The following POC5 variants were observed in gnomAD, a reference collection of about 807,000 sequenced individuals.
POC5 encodes POC5 centriolar protein, also known as centrosomal protein POC5.
POC5 carries 48 observed loss-of-function variants against 62.9 expected under a neutral mutation model. The observed-to-expected ratio is 0.76, with a 90% CI of 0.61 to 0.97. The LOEUF is 0.97. POC5 is among the 50% of genes least tolerant of loss of function. The probability of loss-of-function intolerance (pLI) is 0.00; values close to 1 mark genes in which losing one functional copy is unlikely to be tolerated. For missense variants in POC5, 696 were observed against 679.5 expected (o/e 1.02, Z -0.27); for synonymous variants, 236 against 228.2 (o/e 1.03, Z -0.31).
chr5:75,674,665 C>G (rs1475737324), intron 11 of POC5, 87 bp from the exon 12 acceptor site: 1 of 1,462,336 alleles, frequency 6.8e-7, no homozygotes. Context: ...TAATTTAACC[C>G]AATAAACATT....
chr5:75,711,475 A>G (rs1364214117), intron 2 of POC5, among the ~76,000 whole-genome samples: 1 of 152,216 alleles, frequency 6.6e-6, no homozygotes, highest in East Asian at 1.9e-4. Flanking sequence ...AGAGAGTAAC[A>G]AAAAAGTTCC....
chr5:75,685,878 G>T (rs926860125), intron 9 of POC5, among the ~76,000 whole-genome samples: 4 of 152,026 alleles, frequency 2.6e-5, no homozygotes, highest in Non-Finnish European at 4.4e-5. Flanking sequence ...CCTGATAGAT[G>T]GCCAAAATGA....
At chr5:75,713,603 C>T (rs958457286) in intron 1 of POC5, among the ~76,000 whole-genome samples, 3 of 151,944 alleles carry the variant, frequency 2.0e-5, no homozygotes, top group African/African-American at 7.3e-5. Flanking sequence ...TATAAGTGAC[C>T]GACTGATGAA....
intron 7 of POC5, among the ~76,000 whole-genome samples, chr5:75,692,185 T>C (rs1301765905): frequency 6.6e-6 from 1 of 152,190 alleles, no homozygotes; most frequent in Non-Finnish European, 1.5e-5. Context: ...GGAAATGATG[T>C]ATCTATTGTA....
At chr5:75,682,949 T>TC (rs1290688166) in intron 10 of POC5, among the ~76,000 whole-genome samples, 2 of 152,226 alleles carry the variant, frequency 1.3e-5, no homozygotes, top group African/African-American at 4.8e-5. Flanking sequence ...TTAGTAGCTC[T>TC]CGAAAGGTAA....
chr5:75,702,862 T>C, intron 4 of POC5, 52 bp from the exon 5 acceptor site: 16 of 1,415,010 alleles, frequency 1.1e-5, no homozygotes, highest in Non-Finnish European at 1.6e-5. Flanking sequence ...ATAACTCAAG[T>C]TGGTAAGGAA....
At chr5:75,713,259 A>ACTTT (rs149098793) in intron 1 of POC5, among the ~76,000 whole-genome samples, 9,896 of 152,286 alleles carry the variant, frequency 0.065, 342 homozygotes, top group South Asian at 0.098. Context: ...GGTGCTGTGT[A>ACTTT]CTTTCCTCTA....
intron 5 of POC5, chr5:75,695,961 T>A (rs1417331151): frequency 1.3e-5 from 2 of 152,424 alleles, no homozygotes; most frequent in Non-Finnish European, 2.9e-5. Flanking sequence ...AGATGGCACC[T>A]GGAAAATCGG....
chr5:75,691,283 C>T (rs10462356), intron 7 of POC5, among the ~76,000 whole-genome samples: 37,188 of 151,954 alleles, frequency 0.24, 4,764 homozygotes, highest in South Asian at 0.32. Context: ...ATTTAATCTA[C>T]TGGGATTAAT....
At chr5:75,700,221 T>G (rs796200927) in intron 5 of POC5, among the ~76,000 whole-genome samples, 25,687 of 150,510 alleles carry the variant, frequency 0.17, 2,394 homozygotes, top group Non-Finnish European at 0.21. Context: ...AAAACTACTT[T>G]AAAGTTCATA....
At chr5:75,698,815 T>C (rs900494529) in intron 5 of POC5, among the ~76,000 whole-genome samples, 20 of 152,102 alleles carry the variant, frequency 1.3e-4, no homozygotes, top group Admixed American at 8.5e-4. Context: ...ATTGATAGAC[T>C]GCTAGCAAGA....
At chr5:75,690,618 T>C (rs989277443) in intron 7 of POC5, 56 bp from the exon 8 acceptor site, 21 of 1,319,314 alleles carry the variant, frequency 1.6e-5, no homozygotes, top group Non-Finnish European at 2.0e-5. Context: ...AATATATTGG[T>C]AGTAATAATA....
At chr5:75,679,776 G>A (rs576446946) in intron 10 of POC5, among the ~76,000 whole-genome samples, 1 of 152,186 alleles carries the variant, frequency 6.6e-6, no homozygotes, top group South Asian at 2.1e-4. Flanking sequence ...GAGAGAGAAG[G>A]AATAAGGTGG....
At chr5:75,712,156 C>T (rs901591876) in intron 2 of POC5, 3 of 222,812 alleles carry the variant, frequency 1.3e-5, no homozygotes, top group African/African-American at 2.3e-5. Flanking sequence ...AAGCTTTTCT[C>T]ATATCGTACA....
intron 5 of POC5, 75 bp downstream of exon 5, chr5:75,702,530 A>C: frequency 7.2e-7 from 1 of 1,394,312 alleles, no homozygotes; most frequent in Non-Finnish European, 9.7e-7. Context: ...TCAAAAAAAC[A>C]AAACAGTATA....
At chr5:75,715,213 G>A (rs1208543140) in intron 1 of POC5, among the ~76,000 whole-genome samples, 1 of 151,542 alleles carries the variant, frequency 6.6e-6, no homozygotes, top group Non-Finnish European at 1.5e-5. Flanking sequence ...GGGAGGCTGA[G>A]GCAGGAGAAT....
chr5:75,681,774 T>G (rs192094871), intron 10 of POC5, among the ~76,000 whole-genome samples: 1 of 151,958 alleles, frequency 6.6e-6, no homozygotes, highest in African/African-American at 2.4e-5. Context: ...CTGAAAAAAA[T>G]TTTTGAATGT....
At chr5:75,711,119 T>A (rs561595366) in intron 2 of POC5, among the ~76,000 whole-genome samples, 39 of 152,348 alleles carry the variant, frequency 2.6e-4, no homozygotes, top group African/African-American at 9.1e-4. Context: ...ATCAGTTATT[T>A]AAATGACTAT....
At chr5:75,712,424 C>G (rs1777387355) in intron 2 of POC5, 1 of 1,612,800 alleles carries the variant, frequency 6.2e-7, no homozygotes, top group African/African-American at 1.3e-5. Context: ...GCAGATTGTA[C>G]TGAATGTTGT....
Sources: gnomAD v4.1 joint callset for allele counts (sites outside exome capture counted in the v4.1 genomes callset) on GRCh38, gnomAD v4.1.1 for gene constraint, MANE v1.5 for transcripts, NCBI Gene and HGNC (gene_info 2026-07-23, HGNC 2026-07-21) for gene names.